SASH1: variants seen among roughly 807,000 people sequenced by gnomAD.
SASH1 encodes the protein SAM and SH3 domain containing 1.
SASH1 carries 44 observed loss-of-function variants against 125.2 expected under a neutral mutation model. That is an observed-to-expected ratio of 0.35 (90% confidence interval 0.28 to 0.45). The LOEUF (loss-of-function observed/expected upper bound fraction) is 0.45, where lower values mean the gene tolerates loss of function less well. Ranked by LOEUF, SASH1 falls within the 20% of genes least tolerant of loss-of-function variation. The pLI, the probability that SASH1 is intolerant of heterozygous loss-of-function variation, is 1.00. For missense variants in SASH1, 1,426 were observed against 1,614.5 expected, an observed-to-expected ratio of 0.88 and a Z score of 2.00; for synonymous variants, 639 against 649.1, an observed-to-expected ratio of 0.98 and a Z score of 0.24.
chr6:148,517,244 A>G (rs1217434945), intron 9 of SASH1, among the ~76,000 whole-genome samples: 1 of 152,332 alleles, frequency 6.6e-6, no homozygotes, highest in Non-Finnish European at 1.5e-5. Context: ...AGAGCCAGGA[A>G]GTAATTGCCC....
At position 148,368,770 on chromosome 6, in the gene SASH1, G is replaced by GCGCACACACACACA. The variant is rs1554245330; in HGVS notation, c.157-21363_157-21362insGCACACACACACAC. On this transcript the variant is annotated intron_variant, in intron 1 of 19. Coordinates refer to ENST00000367467, the MANE Select transcript of SASH1 (RefSeq NM_015278.5). ...CCCCCACATGCGCGCGCACGCGCGC[G>GCGCACACACACACA]CACACACACACACACACACACACAC... 7.9e-3 allele frequency among the ~76,000 whole-genome samples: 1,078 copies of GCGCACACACACACA among 135,718 alleles called. 11 individuals are homozygous for GCGCACACACACACA. Among genetic ancestry groups the GCGCACACACACACA allele is most frequent in the African/African-American group, 0.024 (883 of 37,526 alleles). 89.0% of individuals were successfully genotyped at this position (135,718 alleles called of 152,430 possible). A position where few individuals can be genotyped will look rare whatever the true frequency, so the allele number is the denominator to read the frequency against.
At chr6:148,254,201 C>CT in the SASH1 span, among the ~76,000 whole-genome samples, 1 of 150,966 alleles carries the variant, frequency 6.6e-6, no homozygotes, top group South Asian at 2.1e-4. Context: ...GCATGAAACT[C>CT]TGTCTCAAAA....
intron 1 of SASH1, among the ~76,000 whole-genome samples, chr6:148,285,108 A>G (rs750473480): frequency 6.6e-6 from 1 of 152,190 alleles, no homozygotes; most frequent in Non-Finnish European, 1.5e-5. Context: ...GGTAGCCATT[A>G]TTCTGCATTT....
chr6:148,261,231 C>T, the SASH1 span, among the ~76,000 whole-genome samples: 6 of 152,160 alleles, frequency 3.9e-5, no homozygotes, highest in African/African-American at 1.2e-4. Context: ...ATAGTCAACC[C>T]TCACACCTCT....
At chr6:148,542,236 T>C (rs192784108) in intron 17 of SASH1, among the ~76,000 whole-genome samples, 3 of 152,158 alleles carry the variant, frequency 2.0e-5, no homozygotes, top group African/African-American at 7.2e-5. Context: ...AACTTATATA[T>C]ATAGTTTTAT....
At chr6:148,231,819 A>T in the SASH1 span, among the ~76,000 whole-genome samples, 1 of 152,114 alleles carries the variant, frequency 6.6e-6, no homozygotes, top group Non-Finnish European at 1.5e-5. Flanking sequence ...AGGCAAGATG[A>T]CCTGTTCATC....
chr6:148,194,742 C>G, the SASH1 span, among the ~76,000 whole-genome samples: 449 of 152,272 alleles, frequency 2.9e-3, 1 homozygote, highest in Non-Finnish European at 4.6e-3. Context: ...CCCGTCTCTA[C>G]TAAAAATACT....
At position 148,343,232 on chromosome 6, in the gene SASH1, C is replaced by G; in HGVS notation, c.156+9C>G. The stretch of plus-strand genomic sequence containing the variant: ...ACGTGATGGGTATCCTGGTAAGTTA[C>G]CTGGGGAGGGGGCGGCGCAGGAAGT... On this transcript the variant is annotated intron_variant, in intron 1 of 19. Transcript: ENST00000367467. 6.3e-7 allele frequency: 1 copy of G among 1,581,020 alleles called. No individual in the cohort carries two copies. The highest frequency in any genetic ancestry group is 8.6e-7 in the Non-Finnish European group (1 of 1,168,116).
intron 8 of SASH1, chr6:148,513,872 G>A: frequency 1.0e-6 from 1 of 986,282 alleles, no homozygotes; most frequent in Non-Finnish European, 1.2e-6. Context: ...GGGGAGGGCT[G>A]GAAAAAGCCA....
intron 1 of SASH1, among the ~76,000 whole-genome samples, chr6:148,294,784 T>C (rs968765745): frequency 6.6e-6 from 1 of 152,174 alleles, no homozygotes; most frequent in African/African-American, 2.4e-5. Flanking sequence ...GTTGCCCTTA[T>C]ATCTTATTGG....
At chr6:148,263,451 C>T in the SASH1 span, among the ~76,000 whole-genome samples, 1 of 152,180 alleles carries the variant, frequency 6.6e-6, no homozygotes, top group Non-Finnish European at 1.5e-5. Flanking sequence ...AGTCAGAAAG[C>T]ACATCTGTGC....
At chr6:148,326,386 T>TATATATATACACA (rs1780826472) in intron 1 of SASH1, among the ~76,000 whole-genome samples, 1 of 63,196 alleles carries the variant, frequency 1.6e-5, no homozygotes, top group Non-Finnish European at 3.0e-5. Context: ...ATTCTTTTCT[T>TATATATATACACA]TTCTTTTCTT....
chr6:148,469,206 T>C (rs1442216510), intron 5 of SASH1: 4 of 152,346 alleles, frequency 2.6e-5, no homozygotes, highest in Non-Finnish European at 5.9e-5. Context: ...GCCGACCCAA[T>C]AGCTATCACC....
intron 8 of SASH1, among the ~76,000 whole-genome samples, chr6:148,496,961 A>G (rs13437426): frequency 1.3e-5 from 2 of 152,120 alleles, no homozygotes; most frequent in Non-Finnish European, 2.9e-5. Flanking sequence ...AGACCTTCAT[A>G]TGATTATTCT....
rs371950035 is a variant in SASH1 at position 148,325,684 on chromosome 6, G to A, written n.74+53307G>A. ...TTATCTCCCACTGGGTCCCTCACAC[G>A]ACACGTGGGGATTATGGCAACTACA... On this transcript the variant is annotated intron_variant and non_coding_transcript_variant, in intron 1 of 3. Coordinates refer to the SASH1 transcript ENST00000367469. Among the ~76,000 whole-genome samples, 61 of 152,186 alleles carry A rather than the reference G, an allele frequency of 4.0e-4. No homozygotes were observed. The South Asian group carries it at 0.011, about 27-fold the overall frequency.
intron 12 of SASH1, among the ~76,000 whole-genome samples, chr6:148,528,895 C>T (rs539828991): frequency 6.6e-6 from 1 of 152,002 alleles, no homozygotes; most frequent in Non-Finnish European, 1.5e-5. Flanking sequence ...TCAGTGGGAG[C>T]CCTGAGCTTG....
At chr6:148,302,526 T>C (rs2128514190) in intron 1 of SASH1, among the ~76,000 whole-genome samples, 1 of 151,464 alleles carries the variant, frequency 6.6e-6, no homozygotes, top group East Asian at 1.9e-4. Context: ...CTGCTGTTTT[T>C]GTTACTTCAT....
chr6:148,310,424 G>GAAAAA (rs5880770), intron 1 of SASH1, among the ~76,000 whole-genome samples: 1 of 141,224 alleles, frequency 7.1e-6, no homozygotes, highest in African/African-American at 2.6e-5. Context: ...ATCCATATGT[G>GAAAAA]AAAAAAAAAA....
intron 1 of SASH1, among the ~76,000 whole-genome samples, chr6:148,303,850 T>C (rs925904703): frequency 1.3e-5 from 2 of 151,266 alleles, no homozygotes; most frequent in African/African-American, 4.9e-5. Context: ...TCCTAAATAG[T>C]CAGTGGATCA....
Sources: gnomAD v4.1 joint callset for allele counts (sites outside exome capture counted in the v4.1 genomes callset) on GRCh38, gnomAD v4.1.1 for gene constraint, MANE v1.5 for transcripts, NCBI Gene and HGNC (gene_info 2026-07-23, HGNC 2026-07-21) for gene names.